MYCBP2: variants seen among roughly 807,000 people sequenced by gnomAD.
The protein encoded by MYCBP2 is MYC binding protein 2.
A neutral mutation model predicts 525.3 loss-of-function variants in MYCBP2; 120 were observed. That is an observed-to-expected ratio of 0.23 (90% CI 0.20 to 0.27). The LOEUF (loss-of-function observed/expected upper bound fraction) is 0.27, where lower values mean the gene tolerates loss of function less well. Among genes scored for constraint, MYCBP2 ranks in the 10% least tolerant of loss-of-function variants. The pLI is 1.00. For synonymous variants in MYCBP2, 1,894 were observed against 1,955.8 expected, an observed-to-expected ratio of 0.97 and a Z score of 0.83; for missense variants, 4,149 against 5,657.1, an observed-to-expected ratio of 0.73 and a Z score of 8.55.
chr13:77,204,064 A>G (rs1282121600), intron 26 of MYCBP2, among the ~76,000 whole-genome samples: 16 of 150,364 alleles, frequency 1.1e-4, no homozygotes, highest in Non-Finnish European at 2.1e-4. Context: ...ATTAAACTAA[A>G]GAGCTTCTGC....
chr13:77,242,478 T>C (rs920219691), intron 17 of MYCBP2, among the ~76,000 whole-genome samples: 4 of 152,170 alleles, frequency 2.6e-5, no homozygotes, highest in African/African-American at 9.7e-5. Flanking sequence ...AGATAAACAA[T>C]AGACCTATCT....
At position 77,299,185 on chromosome 13, in the gene MYCBP2, T is replaced by C. The variant is rs367548125; in HGVS notation, c.303-2511A>G. Among the ~76,000 whole-genome samples, 7 of 152,300 alleles carry C rather than the reference T, an allele frequency of 4.6e-5. No homozygotes were observed. In the East Asian group the frequency reaches 1.2e-3, roughly 25 times the overall value. On this transcript the variant is annotated intron_variant, in intron 1 of 82. Transcript: ENST00000544440. ...TAGAATATATAAATCCAAATTCAGA[T>C]AGATTTCCTAAAGACAAGTTATAAC...
At chr13:77,140,278 C>G in intron 50 of MYCBP2, 115 bp from the exon 51 acceptor site, 1 of 603,954 alleles carries the variant, frequency 1.7e-6, no homozygotes, top group Admixed American at 3.6e-5. Context: ...AATAAGGTTC[C>G]AGAATTATTT....
intron 73 of MYCBP2, among the ~76,000 whole-genome samples, chr13:77,063,916 G>A (rs190131414): frequency 6.6e-5 from 10 of 152,240 alleles, no homozygotes; most frequent in East Asian, 1.9e-4. Flanking sequence ...GACTTTTTCC[G>A]CCCTAGGGAT....
Position 77,180,120 on chromosome 13 carries a change from G to GT in MYCBP2, c.5133+6dup. 6.2e-7 allele frequency: 1 copy of GT among 1,607,014 alleles called. No homozygotes were observed. The highest frequency in any genetic ancestry group is 1.1e-5 in the South Asian group (1 of 90,308). On this transcript the variant is annotated splice_region_variant and intron_variant, in intron 34 of 82. Transcript: ENST00000544440. Reference sequence around the variant, plus strand: ...TTTTTATCCAGTGTCAAAATATAATGTATTACCTCAGATCCCAGGGCTGAC... The same window carrying GT: ...TTTTTATCCAGTGTCAAAATATAATGTTATTACCTCAGATCCCAGGGCTGAC...
chr13:77,240,636 C>T (rs2068675726), intron 17 of MYCBP2, among the ~76,000 whole-genome samples: 1 of 151,910 alleles, frequency 6.6e-6, no homozygotes, highest in Non-Finnish European at 1.5e-5. Context: ...AACAAACAAA[C>T]AAAACATACA....
intron 82 of MYCBP2, among the ~76,000 whole-genome samples, chr13:77,048,489 C>A (rs1174179686): frequency 2.0e-5 from 3 of 152,118 alleles, no homozygotes; most frequent in African/African-American, 7.2e-5. Flanking sequence ...CTGTATATGG[C>A]CATCTTCCCT....
intron 54 of MYCBP2, 62 bp from the exon 55 acceptor site, chr13:77,121,557 A>G: frequency 7.2e-7 from 1 of 1,380,644 alleles, no homozygotes; most frequent in Non-Finnish European, 9.5e-7. Context: ...TTCATACAAC[A>G]AAGAGAGAAA....
chr13:77,239,631 T>G (rs2068513715), intron 17 of MYCBP2, among the ~76,000 whole-genome samples: 1 of 152,194 alleles, frequency 6.6e-6, no homozygotes, highest in Non-Finnish European at 1.5e-5. Flanking sequence ...CCTGGAACGC[T>G]ATTAAAGCAC....
At chr13:77,077,036 CA>C in intron 67 of MYCBP2, 111 bp downstream of exon 67, 1 of 1,435,694 alleles carries the variant, frequency 7.0e-7, no homozygotes, top group Non-Finnish European at 9.3e-7. Flanking sequence ...AAAAAATGGG[CA>C]ACATTTATAG....
chr13:77,187,015 G>T (rs2060793386), intron 30 of MYCBP2, among the ~76,000 whole-genome samples: 1 of 151,828 alleles, frequency 6.6e-6, no homozygotes, highest in African/African-American at 2.4e-5. Flanking sequence ...TCACTATATT[G>T]CCCTGGCTGG....
At chr13:77,289,637 G>A (rs2077266660) in intron 2 of MYCBP2, among the ~76,000 whole-genome samples, 1 of 152,012 alleles carries the variant, frequency 6.6e-6, no homozygotes, top group Non-Finnish European at 1.5e-5. Flanking sequence ...TTGTGATCCA[G>A]GCAAATTGGT....
At chr13:77,230,984 T>A (rs1375689436) in intron 18 of MYCBP2, among the ~76,000 whole-genome samples, 1 of 152,138 alleles carries the variant, frequency 6.6e-6, no homozygotes. Flanking sequence ...GGAGAGATAA[T>A]TAAATGACAA....
intron 55 of MYCBP2, among the ~76,000 whole-genome samples, chr13:77,102,547 T>C (rs1469892776): frequency 2.0e-5 from 3 of 151,502 alleles, no homozygotes; most frequent in Admixed American, 1.3e-4. Flanking sequence ...TAGGCATCTG[T>C]AGTGTTTCAA....
rs189427001 is a variant in MYCBP2 at position 77,063,754 on chromosome 13, T to C, written c.12672+861A>G. 1.3e-4 allele frequency among the ~76,000 whole-genome samples: 20 copies of C among 151,834 alleles called. 1 individual carries two copies. Among genetic ancestry groups the C allele is most frequent in the Admixed American group, 9.2e-4 (14 of 15,248 alleles). Reference sequence around the variant, plus strand: ...ATACAGAAAGCAAGAGATGTTAAAATAGGGACAGAAAAATAGAAAAAGAAA... The same window carrying C: ...ATACAGAAAGCAAGAGATGTTAAAACAGGGACAGAAAAATAGAAAAAGAAA... On this transcript the variant is annotated intron_variant, in intron 73 of 82. Transcript: ENST00000544440.
At chr13:77,240,653 C>T (rs1012465758) in intron 17 of MYCBP2, among the ~76,000 whole-genome samples, 1 of 151,998 alleles carries the variant, frequency 6.6e-6, no homozygotes, top group Non-Finnish European at 1.5e-5. Context: ...TACAAGCAGG[C>T]ATCACTTTGC....
chr13:77,123,718 T>G (rs1252781780), intron 54 of MYCBP2, among the ~76,000 whole-genome samples: 2 of 152,222 alleles, frequency 1.3e-5, no homozygotes, highest in African/African-American at 4.8e-5. Context: ...ACATATTTTT[T>G]GTACTGCCAG....
chr13:77,091,614 A>G (rs1437499012), intron 59 of MYCBP2, among the ~76,000 whole-genome samples: 1 of 152,174 alleles, frequency 6.6e-6, no homozygotes, highest in African/African-American at 2.4e-5. Context: ...TGCCCACTCA[A>G]CTAGCCCAGT....
chr13:77,172,132 C>A (rs929954121), intron 37 of MYCBP2, among the ~76,000 whole-genome samples: 3 of 152,102 alleles, frequency 2.0e-5, no homozygotes, highest in Non-Finnish European at 4.4e-5. Context: ...AACTCCTGAC[C>A]TCGTGATCCA....
Sources: allele counts gnomAD v4.1 joint callset (sites outside exome capture counted in the v4.1 genomes callset), GRCh38; gene constraint gnomAD v4.1.1; transcripts MANE v1.5; gene names NCBI Gene and HGNC (gene_info 2026-07-23, HGNC 2026-07-21).